AGAP1: variants seen among roughly 807,000 people sequenced by gnomAD.
AGAP1 encodes ArfGAP with GTPase domain, ankyrin repeat and PH domain 1, also known as arf-GAP with GTPase, ANK repeat and PH domain-containing protein 1.
Under a neutral mutation model 105.3 loss-of-function variants are expected in AGAP1, and 29 were observed. That is an observed-to-expected ratio of 0.28 (90% CI 0.21 to 0.38). The LOEUF (loss-of-function observed/expected upper bound fraction) is 0.38. Among genes scored for constraint, AGAP1 ranks in the 10% least tolerant of loss-of-function variants. AGAP1 has a pLI of 1.00. For missense variants in AGAP1, 998 were observed against 1,165.1 expected, an observed-to-expected ratio of 0.86 and a Z score of 2.09; for synonymous variants, 509 against 485.9, an observed-to-expected ratio of 1.05 and a Z score of -0.63.
chr2:236,010,532 A>G (rs2056474814), intron 13 of AGAP1, among the ~76,000 whole-genome samples: 2 of 152,334 alleles, frequency 1.3e-5, no homozygotes, highest in Non-Finnish European at 1.5e-5. Flanking sequence ...TGAGACCCTC[A>G]TGAGTGGAGT....
chr2:236,052,789 G>A lies in AGAP1; in HGVS notation c.2114+3508G>A, dbSNP rs575667677. Among the ~76,000 whole-genome samples, 9 of 152,322 alleles carry A rather than the reference G, an allele frequency of 5.9e-5. No individual in the cohort carries two copies. In the South Asian group the frequency reaches 1.9e-3, roughly 32 times the overall value. On this transcript the variant is annotated intron_variant, in intron 16 of 17. Transcript: ENST00000304032. ...CCCTTTGTCCCCCTCTGTAATGGGG[G>A]TTTAATTTGGAAAAAGAAGCACGTT...
rs868476151 is a variant in AGAP1 at position 235,904,024 on chromosome 2, G to A, written c.1156-4714G>A. 9.2e-5 allele frequency among the ~76,000 whole-genome samples: 14 copies of A among 152,170 alleles called. No individual in the cohort carries two copies. The South Asian group carries it at 1.5e-3, about 16-fold the overall frequency. ...GCTGTCAGCAAGCTGAAAGCTATGGGTCTCTGACACGGCTCTCAATTGCTA... is the reference window on the plus strand; with the variant it reads ...GCTGTCAGCAAGCTGAAAGCTATGGATCTCTGACACGGCTCTCAATTGCTA... On this transcript the variant is annotated intron_variant, in intron 10 of 17. Coordinates refer to ENST00000304032, the MANE Select transcript of AGAP1 (RefSeq NM_001037131.3). This position sits in a 1 kb window ranked among gnomAD's most constrained non-coding sequence, Gnocchi z 4.2.
chr2:236,072,900 C>T (rs1157803011), intron 16 of AGAP1, among the ~76,000 whole-genome samples: 3 of 152,058 alleles, frequency 2.0e-5, no homozygotes, highest in Non-Finnish European at 4.4e-5. Flanking sequence ...TCAAAAGAAC[C>T]TGATGGAAGT....
chr2:235,508,209 T>C (rs1941915728), intron 1 of AGAP1, among the ~76,000 whole-genome samples: 1 of 152,242 alleles, frequency 6.6e-6, no homozygotes, highest in African/African-American at 2.4e-5. Flanking sequence ...TGATTCCATG[T>C]CTTTGCTATT....
At chr2:236,079,746 G>C (rs1456051928) in intron 16 of AGAP1, among the ~76,000 whole-genome samples, 1 of 152,098 alleles carries the variant, frequency 6.6e-6, no homozygotes, top group Non-Finnish European at 1.5e-5. Flanking sequence ...ACAGGGAAGG[G>C]GGTGGTACAG....
At chr2:235,943,081 C>T (rs1327466466) in intron 12 of AGAP1, among the ~76,000 whole-genome samples, 2 of 152,192 alleles carry the variant, frequency 1.3e-5, no homozygotes, top group Non-Finnish European at 1.5e-5. Context: ...AACATTAGAA[C>T]GTCTGATTTT....
intron 11 of AGAP1, among the ~76,000 whole-genome samples, chr2:235,915,945 GAA>G (rs911897633): frequency 1.3e-5 from 2 of 152,060 alleles, no homozygotes; most frequent in African/African-American, 4.8e-5. Context: ...ACCTACAAAA[GAA>G]GAGAAATCTG....
intron 12 of AGAP1, among the ~76,000 whole-genome samples, chr2:235,943,507 G>T (rs1362932611): frequency 6.6e-6 from 1 of 151,922 alleles, no homozygotes; most frequent in African/African-American, 2.4e-5. Flanking sequence ...ATGCCACTAT[G>T]CCTGGCTAAT....
chr2:236,002,910 G>A lies in AGAP1; in HGVS notation c.1646-33651G>A, dbSNP rs61094346. Among the ~76,000 whole-genome samples the A allele has an allele frequency of 0.21, 31,525 of 152,032 alleles. 3,549 individuals carry two copies. The highest frequency in any genetic ancestry group is 0.28 in the South Asian group (1,354 of 4,802). The stretch of plus-strand genomic sequence containing the variant: ...AAGTTTGTGTGTGAACAGGAGGGCC[G>A]GGGTCGCTGGGTTCCAGGCGCAGCC... On this transcript the variant is annotated intron_variant, in intron 13 of 17. Coordinates refer to ENST00000304032, the MANE Select transcript of AGAP1 (RefSeq NM_001037131.3). This position sits in a 1 kb window ranked among gnomAD's most constrained non-coding sequence, Gnocchi z 4.3.
In AGAP1 at chr2:236,123,435, TATCTC is replaced by T. The variant is rs1424572048; in HGVS notation, c.2371-482_2371-478del. On this transcript the variant is annotated intron_variant, in intron 17 of 17. Transcript: ENST00000304032. This position sits in a 1 kb window ranked among gnomAD's most constrained non-coding sequence, Gnocchi z 4.6. ...AAAATACAAATTATTTGTACAGTCT[TATCTC>T]AATTATGTACATATACATGTAGATT... Among the ~76,000 whole-genome samples, 1 of 152,178 alleles carries T rather than the reference TATCTC, an allele frequency of 6.6e-6. No homozygotes were observed. The highest frequency in any genetic ancestry group is 2.1e-4 in the South Asian group (1 of 4,822).
At position 235,989,144 on chromosome 2, in the gene AGAP1, C is replaced by A. The variant is rs758804219; in HGVS notation, c.1645+20521C>A. Among the ~76,000 whole-genome samples, 15 of 152,188 alleles carry A rather than the reference C, an allele frequency of 9.9e-5. No homozygotes were observed. The highest frequency in any genetic ancestry group is 1.9e-4 in the Non-Finnish European group (13 of 68,044). On this transcript the variant is annotated intron_variant, in intron 13 of 17. Coordinates refer to ENST00000304032, the MANE Select transcript of AGAP1 (RefSeq NM_001037131.3). The surrounding 1 kb of genome is among the most constrained non-coding windows in gnomAD (Gnocchi z 4.4). ...TGATGGTTGTTGTTATTTAAAACTG[C>A]AAGACGTAGGCAATACCAGGTCTTA... is the stretch of plus-strand genomic sequence containing the variant.
At chr2:236,041,799 G>A (rs1164036433) in intron 15 of AGAP1, among the ~76,000 whole-genome samples, 1 of 152,228 alleles carries the variant, frequency 6.6e-6, no homozygotes, top group Non-Finnish European at 1.5e-5. Flanking sequence ...GCACCAACCT[G>A]CTGACCATGG....
Position 235,739,810 on chromosome 2 carries a change from A to G in AGAP1, c.311-1153A>G, listed in dbSNP as rs977828450. 2.0e-5 allele frequency among the ~76,000 whole-genome samples: 3 copies of G among 152,122 alleles called. No homozygotes were observed. The highest frequency in any genetic ancestry group is 7.2e-5 in the African/African-American group (3 of 41,438). On this transcript the variant is annotated intron_variant, in intron 3 of 17. Transcript: ENST00000304032. The surrounding 1 kb of genome is among the most constrained non-coding windows in gnomAD (Gnocchi z 5.3). ...GACTCTGATTTTTTGCTTCTCAGGC[A>G]CTGATGTGGTTCAGACCCAGGATTC... is the stretch of plus-strand genomic sequence containing the variant.
At chr2:235,509,142 T>C (rs1047615122) in intron 1 of AGAP1, among the ~76,000 whole-genome samples, 1 of 152,214 alleles carries the variant, frequency 6.6e-6, no homozygotes, top group African/African-American at 2.4e-5. Flanking sequence ...ACCGTGAAAA[T>C]TAATGGTGGG....
rs1433058111 is a variant in AGAP1 at position 235,891,873 on chromosome 2, G to A, written c.1155+8424G>A. 6.6e-6 allele frequency among the ~76,000 whole-genome samples: 1 copy of A among 152,156 alleles called. No homozygotes were observed. Among genetic ancestry groups the A allele is most frequent in the African/African-American group, 2.4e-5 (1 of 41,418 alleles). ...CAGACTTTTAAAAAACCTCCTTCTG[G>A]CCAGGTGTGGTGGCTCACACCTGTA... On this transcript the variant is annotated intron_variant, in intron 10 of 17. Transcript: ENST00000304032. The surrounding 1 kb of genome is among the most constrained non-coding windows in gnomAD (Gnocchi z 4.2).
intron 9 of AGAP1, among the ~76,000 whole-genome samples, chr2:235,863,444 G>A (rs2049019156): frequency 1.3e-5 from 2 of 152,228 alleles, no homozygotes; most frequent in Non-Finnish European, 2.9e-5. Context: ...AAAATCTGGT[G>A]TGTAGTTCAC....
chr2:235,930,811 C>T lies in AGAP1; in HGVS notation c.1371C>T (p.Ser457=). Residue 457 remains serine, a synonymous_variant, in exon 12 of 18, where the codon AGC becomes AGT. Transcript: ENST00000304032. The surrounding 1 kb of genome is among the most constrained non-coding windows in gnomAD (Gnocchi z 7.9). ...ASGSQMASGI[S]LVSFNSRPDG... is the part of the protein sequence containing the mutation. ...GGTCTCAGATGGCAAGCGGCATCAGCCTGGTCTCCTTCAACAGCCGACCCG... is the reference window on the plus strand; with the variant it reads ...GGTCTCAGATGGCAAGCGGCATCAGTCTGGTCTCCTTCAACAGCCGACCCG... 6.2e-7 allele frequency: 1 copy of T among 1,614,120 alleles called. No homozygotes were observed. The highest frequency in any genetic ancestry group is 8.5e-7 in the Non-Finnish European group (1 of 1,180,024).
intron 1 of AGAP1, among the ~76,000 whole-genome samples, chr2:235,683,189 C>A (rs1432253211): frequency 6.6e-6 from 1 of 150,816 alleles, no homozygotes; most frequent in African/African-American, 2.5e-5. Context: ...CACTTGTAAT[C>A]CCAGCTACTG....
intron 1 of AGAP1, among the ~76,000 whole-genome samples, chr2:235,626,599 T>G (rs1209624751): frequency 6.6e-6 from 1 of 152,262 alleles, no homozygotes; most frequent in Non-Finnish European, 1.5e-5. Context: ...ACATTTTTTC[T>G]TAAATATGCA....
Sources: gnomAD v4.1 joint callset for allele counts (sites outside exome capture counted in the v4.1 genomes callset) on GRCh38, gnomAD v4.1.1 for gene constraint, Gnocchi (gnomAD v3.1) non-coding constraint, MANE v1.5 for transcripts, NCBI Gene and HGNC (gene_info 2026-07-23, HGNC 2026-07-21) for gene names.